The following SNTG1 variants were observed in gnomAD, a reference collection of about 807,000 sequenced individuals.
SNTG1 encodes syntrophin gamma 1, also known as gamma-1-syntrophin.
A neutral mutation model predicts 74.7 loss-of-function variants in SNTG1; 39 were observed. The observed-to-expected ratio is 0.52, with a 90% CI of 0.40 to 0.68. SNTG1 has a LOEUF of 0.68. Among genes scored for constraint, SNTG1 ranks in the 30% least tolerant of loss-of-function variants. The pLI is 0.00. For synonymous variants in SNTG1, 254 were observed against 217.1 expected (o/e 1.17, Z -1.49); for missense variants, 685 against 609.5 (o/e 1.12, Z -1.30).
chr8:50,185,840 T>A lies in SNTG1; in HGVS notation c.-28+13205T>A, dbSNP rs962647487. On this transcript the variant is annotated intron_variant, in intron 2 of 18. Transcript: ENST00000642720. ...GTTTTTTATTTTATTTATTTTTTTTTAATTTTACTTTAACTTCCAAGATAC... is the reference window on the plus strand; with the variant it reads ...GTTTTTTATTTTATTTATTTTTTTTAAATTTTACTTTAACTTCCAAGATAC... 1.2e-4 allele frequency among the ~76,000 whole-genome samples: 18 copies of A among 151,694 alleles called. 1 individual carries two copies. The highest frequency in any genetic ancestry group is 1.7e-4 in the African/African-American group (7 of 41,202).
intron 1 of SNTG1, among the ~76,000 whole-genome samples, chr8:49,933,391 A>C (rs1018482468): frequency 6.6e-6 from 1 of 152,108 alleles, no homozygotes; most frequent in Admixed American, 6.5e-5. Context: ...CATCTAAGAA[A>C]CTATTGCCTA....
chr8:50,423,840 G>T (rs1449193329), intron 4 of SNTG1, among the ~76,000 whole-genome samples: 1 of 152,178 alleles, frequency 6.6e-6, no homozygotes, highest in East Asian at 1.9e-4. Flanking sequence ...CTAGTAGTTA[G>T]AGAAAGGTAA....
intron 12 of SNTG1, among the ~76,000 whole-genome samples, chr8:50,585,485 T>A (rs1466053722): frequency 6.6e-6 from 1 of 152,218 alleles, no homozygotes; most frequent in Non-Finnish European, 1.5e-5. Context: ...ATTGTTCTGA[T>A]AACATAAAAT....
At chr8:49,944,395 C>T (rs1228329718) in intron 1 of SNTG1, among the ~76,000 whole-genome samples, 1 of 151,662 alleles carries the variant, frequency 6.6e-6, no homozygotes, top group African/African-American at 2.4e-5. Context: ...AAGATATTTG[C>T]ATAATTTCAT....
chr8:49,942,769 A>G (rs2129377922), intron 1 of SNTG1, among the ~76,000 whole-genome samples: 1 of 152,298 alleles, frequency 6.6e-6, no homozygotes, highest in Non-Finnish European at 1.5e-5. Flanking sequence ...ACAGAGGTAA[A>G]TTGCCATTTC....
chr8:49,930,491 GATATATAAT>G, intron 1 of SNTG1, among the ~76,000 whole-genome samples: 1 of 151,214 alleles, frequency 6.6e-6, no homozygotes, highest in African/African-American at 2.4e-5. Flanking sequence ...TGATGAAGGA[GATATATAAT>G]ATATATGTGT....
chr8:50,368,719 G>T (rs1046894798), intron 2 of SNTG1, among the ~76,000 whole-genome samples: 3 of 152,070 alleles, frequency 2.0e-5, no homozygotes, highest in Non-Finnish European at 4.4e-5. Context: ...TTAACCAAAT[G>T]GTTGGGGTTG....
intron 1 of SNTG1, among the ~76,000 whole-genome samples, chr8:50,012,264 C>T (rs1412637994): frequency 6.6e-5 from 10 of 152,064 alleles, no homozygotes; most frequent in Admixed American, 5.9e-4. Flanking sequence ...AAGTCAAGTG[C>T]AACTGAGGTG....
intron 5 of SNTG1, among the ~76,000 whole-genome samples, chr8:50,447,792 C>A (rs1161611127): frequency 1.3e-5 from 2 of 152,144 alleles, no homozygotes; most frequent in African/African-American, 4.8e-5. Flanking sequence ...ACACTGATAA[C>A]TGTAATGGGA....
chr8:50,782,170 A>T (rs1327547747), intron 18 of SNTG1, among the ~76,000 whole-genome samples: 1 of 152,128 alleles, frequency 6.6e-6, no homozygotes, highest in East Asian at 1.9e-4. Context: ...GGTGAATCTG[A>T]CAATTATGTG....
chr8:50,183,522 C>T (rs923718002), intron 2 of SNTG1, among the ~76,000 whole-genome samples: 1 of 152,168 alleles, frequency 6.6e-6, no homozygotes, highest in Admixed American at 6.6e-5. Flanking sequence ...GTGCCCATAG[C>T]ACGTTATGGC....
At chr8:50,276,260 C>A (rs1426347573) in intron 2 of SNTG1, among the ~76,000 whole-genome samples, 1 of 152,042 alleles carries the variant, frequency 6.6e-6, no homozygotes, top group Non-Finnish European at 1.5e-5. Context: ...GCTCTCAACA[C>A]TCACAACTGT....
At chr8:50,036,318 A>G (rs1213850146) in intron 1 of SNTG1, among the ~76,000 whole-genome samples, 2 of 152,144 alleles carry the variant, frequency 1.3e-5, no homozygotes, top group Non-Finnish European at 2.9e-5. Context: ...TCTGTTCTTT[A>G]ATGTACTGTG....
intron 13 of SNTG1, among the ~76,000 whole-genome samples, chr8:50,597,382 C>CGT (rs1174248039): frequency 1.1e-5 from 1 of 92,694 alleles, no homozygotes; most frequent in Admixed American, 1.1e-4. Flanking sequence ...TATATATACA[C>CGT]ATATATACAT....
chr8:50,557,470 T>A (rs1268196017), intron 12 of SNTG1, among the ~76,000 whole-genome samples: 1 of 152,178 alleles, frequency 6.6e-6, no homozygotes, highest in South Asian at 2.1e-4. Flanking sequence ...TGTGGCCCAT[T>A]TGTCTGAAAT....
chr8:50,272,708 G>A (rs1454674496), intron 2 of SNTG1, among the ~76,000 whole-genome samples: 1 of 152,120 alleles, frequency 6.6e-6, no homozygotes, highest in East Asian at 1.9e-4. Context: ...TGTGTACGAT[G>A]TATCATTTAT....
At chr8:50,478,174 C>G (rs1447103754) in intron 8 of SNTG1, among the ~76,000 whole-genome samples, 3 of 152,154 alleles carry the variant, frequency 2.0e-5, no homozygotes, top group Non-Finnish European at 4.4e-5. Context: ...AACCTCCAGA[C>G]AGCAGCCCTT....
chr8:50,487,488 C>A (rs1402948314), intron 8 of SNTG1, among the ~76,000 whole-genome samples: 1 of 152,116 alleles, frequency 6.6e-6, no homozygotes, highest in Non-Finnish European at 1.5e-5. Context: ...CACATTTACA[C>A]CATGGAATAC....
chr8:50,778,915 C>T (rs534607747), intron 18 of SNTG1, among the ~76,000 whole-genome samples: 86 of 152,096 alleles, frequency 5.7e-4, no homozygotes, highest in African/African-American at 1.9e-3. Context: ...TTCAGCTTTC[C>T]ACATATCGCT....
Sources: allele counts gnomAD v4.1 joint callset (sites outside exome capture counted in the v4.1 genomes callset), GRCh38; gene constraint gnomAD v4.1.1; transcripts MANE v1.5; gene names NCBI Gene and HGNC (gene_info 2026-07-23, HGNC 2026-07-21).